EIF3H: variants seen among roughly 807,000 people sequenced by gnomAD.
The protein encoded by EIF3H is eIF-3-gamma.
In EIF3H, 26 loss-of-function variants were observed where a neutral mutation model predicts 44.2. The observed-to-expected ratio is 0.59, with a 90% CI of 0.43 to 0.82. EIF3H has a LOEUF of 0.82. Ranked by LOEUF, EIF3H falls within the 40% of genes least tolerant of loss-of-function variation. The pLI is 0.00. For synonymous variants in EIF3H, 166 were observed against 151.9 expected (o/e 1.09, Z -0.68); for missense variants, 359 against 432.8 (o/e 0.83, Z 1.51).
At chr8:116,726,362 G>A (rs943865232) in intron 1 of EIF3H, among the ~76,000 whole-genome samples, 190 bp from the exon 2 acceptor site, 3 of 152,016 alleles carry the variant, frequency 2.0e-5, no homozygotes, top group African/African-American at 7.3e-5. Context: ...TAATCTAAAC[G>A]CAGATCTGAA....
chr8:116,734,564 G>GT (rs956443831), intron 1 of EIF3H, among the ~76,000 whole-genome samples: 1 of 152,056 alleles, frequency 6.6e-6, no homozygotes, highest in Non-Finnish European at 1.5e-5. Flanking sequence ...GCAGAAAGTT[G>GT]TTTGTTTTTG....
At chr8:116,669,631 C>T (rs948097234) in intron 2 of EIF3H, among the ~76,000 whole-genome samples, 6 of 152,146 alleles carry the variant, frequency 3.9e-5, no homozygotes, top group Non-Finnish European at 7.4e-5. Context: ...GATAAGCTTC[C>T]TTTACCTTCA....
chr8:116,727,172 G>A (rs908040859), intron 1 of EIF3H, among the ~76,000 whole-genome samples: 1 of 152,210 alleles, frequency 6.6e-6, no homozygotes, highest in African/African-American at 2.4e-5. Context: ...TCTGTGTGCA[G>A]CCTGAGCCCA....
intron 1 of EIF3H, among the ~76,000 whole-genome samples, chr8:116,743,765 CATACATATATATATATAT>C (rs1159977000): frequency 1.5e-5 from 1 of 65,192 alleles, no homozygotes; most frequent in Non-Finnish European, 3.8e-5. Flanking sequence ...CTCAAAAATA[CATACATATATATATATAT>C]ATATATATAT....
At chr8:116,716,666 A>T (rs773705622) in intron 2 of EIF3H, among the ~76,000 whole-genome samples, 1 of 152,096 alleles carries the variant, frequency 6.6e-6, no homozygotes, top group Non-Finnish European at 1.5e-5. Context: ...TAAATATTTC[A>T]GGCTTAGGAC....
chr8:116,711,322 C>T (rs968432152), intron 2 of EIF3H, among the ~76,000 whole-genome samples: 1 of 152,222 alleles, frequency 6.6e-6, no homozygotes, highest in Admixed American at 6.5e-5. Context: ...AGCTCATACC[C>T]ATCAAGGTAT....
chr8:116,649,042 C>T (rs1014525341), intron 5 of EIF3H, 116 bp from the exon 6 acceptor site: 1 of 849,174 alleles, frequency 1.2e-6, no homozygotes, highest in Non-Finnish European at 1.7e-6. Flanking sequence ...AATGAGAGCA[C>T]ACATATGCAT....
At chr8:116,677,994 C>G (rs995204916) in intron 2 of EIF3H, among the ~76,000 whole-genome samples, 2 of 152,208 alleles carry the variant, frequency 1.3e-5, no homozygotes, top group Admixed American at 6.5e-5. Flanking sequence ...TTACAGCCCT[C>G]TCCCCCTTCC....
At chr8:116,722,883 A>T (rs1338780546) in intron 2 of EIF3H, among the ~76,000 whole-genome samples, 1 of 152,226 alleles carries the variant, frequency 6.6e-6, no homozygotes, top group Non-Finnish European at 1.5e-5. Flanking sequence ...AAACTTTTGA[A>T]ATAAACATTC....
Position 116,643,591 on chromosome 8 carries a change from CTTGTG to C in EIF3H, c.*1410_*1414del. 6.6e-6 allele frequency: 1 copy of C among 152,278 alleles called. No homozygotes were observed. Among genetic ancestry groups the C allele is most frequent in the African/African-American group, 2.4e-5 (1 of 41,550 alleles). 9.4% of individuals were successfully genotyped at this position (152,278 alleles called of 1,614,324 possible). ...AAACGTCTTCAACACTCACAGCCAC[CTTGTG>C]AGGTAACAGACCTGCTCTCATTTCT... is the stretch of plus-strand genomic sequence containing the variant. On this transcript the variant is annotated 3_prime_UTR_variant, in exon 8 of 8. Transcript: ENST00000521861.
chr8:116,719,238 G>T (rs1000871742), intron 2 of EIF3H, among the ~76,000 whole-genome samples: 15 of 151,990 alleles, frequency 9.9e-5, no homozygotes, highest in African/African-American at 3.4e-4. Context: ...CATAATAATG[G>T]GCCCTTTAAT....
intron 2 of EIF3H, among the ~76,000 whole-genome samples, chr8:116,661,895 T>C (rs1228993267): frequency 6.6e-6 from 1 of 152,204 alleles, no homozygotes; most frequent in Non-Finnish European, 1.5e-5. Flanking sequence ...AGAAAGCCTA[T>C]AGCCGTGTGG....
At chr8:116,648,711 A>C in intron 6 of EIF3H, 95 bp downstream of exon 6, 1 of 1,420,512 alleles carries the variant, frequency 7.0e-7, no homozygotes, top group East Asian at 2.5e-5. Flanking sequence ...ACGGTCAATA[A>C]TTTACCAAAG....
chr8:116,721,079 A>G (rs893483970), intron 2 of EIF3H, among the ~76,000 whole-genome samples: 3 of 152,036 alleles, frequency 2.0e-5, no homozygotes, highest in Admixed American at 2.0e-4. Flanking sequence ...CACGTCGGAG[A>G]CCTTCACAGC....
chr8:116,721,425 T>C (rs1432469707), intron 2 of EIF3H, among the ~76,000 whole-genome samples: 2 of 152,210 alleles, frequency 1.3e-5, no homozygotes, highest in Non-Finnish European at 2.9e-5. Flanking sequence ...GCTAGGGCAG[T>C]GCAGAAGGGA....
intron 1 of EIF3H, among the ~76,000 whole-genome samples, chr8:116,753,951 C>G (rs1013858839): frequency 6.6e-6 from 1 of 152,118 alleles, no homozygotes; most frequent in African/African-American, 2.4e-5. Context: ...AAACATTTCC[C>G]AAGTGCATAA....
intron 1 of EIF3H, among the ~76,000 whole-genome samples, chr8:116,730,134 CAAG>C (rs1361034821): frequency 1.3e-5 from 2 of 152,150 alleles, no homozygotes; most frequent in East Asian, 1.9e-4. Context: ...TTCTTTAGTT[CAAG>C]AAGTAATGTC....
chr8:116,752,763 G>A lies in EIF3H; in HGVS notation c.132+2903C>T, dbSNP rs1461748218. 9.8e-3 allele frequency among the ~76,000 whole-genome samples: 318 copies of A among 32,534 alleles called. 13 individuals are homozygous for A. Among genetic ancestry groups the A allele is most frequent in the East Asian group, 0.054 (76 of 1,404 alleles). The allele number at this position is 32,534 out of a possible 152,430, so 21.3% of individuals were successfully genotyped here. A position where few individuals can be genotyped will look rare whatever the true frequency, so the allele number is the denominator to read the frequency against. ...AAAGAAAGAAAGAAAGAGGGAGGGAGGGAGGGAGGGAGGGAGGGAGGGAGG... is the reference window on the plus strand; with the variant it reads ...AAAGAAAGAAAGAAAGAGGGAGGGAAGGAGGGAGGGAGGGAGGGAGGGAGG... On this transcript the variant is annotated intron_variant, in intron 1 of 7. Coordinates refer to ENST00000521861, the MANE Select transcript of EIF3H (RefSeq NM_003756.3).
At chr8:116,682,089 A>C (rs1434989905) in intron 2 of EIF3H, among the ~76,000 whole-genome samples, 1 of 152,234 alleles carries the variant, frequency 6.6e-6, no homozygotes, top group East Asian at 1.9e-4. Flanking sequence ...CAAAGAGCAT[A>C]AAAGCAGCGT....
Sources: allele counts gnomAD v4.1 joint callset (sites outside exome capture counted in the v4.1 genomes callset), GRCh38; gene constraint gnomAD v4.1.1; transcripts MANE v1.5; gene names NCBI Gene and HGNC (gene_info 2026-07-23, HGNC 2026-07-21).